Variants in CDH13 observed in about 807,000 individuals in gnomAD.
CDH13 encodes the protein cadherin-13.
In CDH13, 24 loss-of-function variants were observed where a neutral mutation model predicts 63.8. The ratio of observed to expected loss-of-function variants is 0.38; its 90% CI spans 0.27 to 0.53. The LOEUF (loss-of-function observed/expected upper bound fraction) is 0.53. Among genes scored for constraint, CDH13 ranks in the 20% least tolerant of loss-of-function variants. CDH13 has a pLI of 0.85. For missense variants in CDH13, 1,049 were observed against 903.1 expected (o/e 1.16, Z -2.07); for synonymous variants, 503 against 355.3 (o/e 1.42, Z -4.67).
chr16:83,734,850 C>T (rs374953777), intron 10 of CDH13, among the ~76,000 whole-genome samples: 7 of 151,808 alleles, frequency 4.6e-5, no homozygotes, highest in South Asian at 4.1e-4. Flanking sequence ...TCTGGCTCCT[C>T]ATTATCCAGA....
chr16:83,327,925 G>A (rs1218953868), intron 5 of CDH13, among the ~76,000 whole-genome samples: 3 of 152,198 alleles, frequency 2.0e-5, no homozygotes, highest in Non-Finnish European at 4.4e-5. Flanking sequence ...GAAGTCAGGA[G>A]ATCGAGACCA....
At chr16:82,743,245 G>C (rs116832018) in intron 1 of CDH13, among the ~76,000 whole-genome samples, 1,799 of 152,066 alleles carry the variant, frequency 0.012, 37 homozygotes, top group African/African-American at 0.041. Flanking sequence ...TTTTGTTTTT[G>C]AGACAGGGTC....
intron 2 of CDH13, among the ~76,000 whole-genome samples, chr16:82,929,462 T>C (rs1272093019): frequency 2.0e-5 from 3 of 151,474 alleles, no homozygotes; most frequent in African/African-American, 7.3e-5. Context: ...CTAGATGGTC[T>C]AGCCAGGTGA....
chr16:83,705,381 G>C (rs1276179609), intron 10 of CDH13, among the ~76,000 whole-genome samples: 1 of 152,192 alleles, frequency 6.6e-6, no homozygotes, highest in Non-Finnish European at 1.5e-5. Context: ...CTAGCACTTT[G>C]GGAGGCTGAG....
chr16:83,292,656 A>T (rs2089492669), intron 5 of CDH13, among the ~76,000 whole-genome samples: 2 of 152,154 alleles, frequency 1.3e-5, no homozygotes, highest in South Asian at 4.1e-4. Context: ...GGGTGATAAA[A>T]ATGATTACAA....
intron 2 of CDH13, among the ~76,000 whole-genome samples, chr16:82,866,586 A>C (rs2040154489): frequency 6.6e-6 from 1 of 151,274 alleles, no homozygotes; most frequent in African/African-American, 2.4e-5. Context: ...AAGAGGGTTT[A>C]ACCATGCTGG....
chr16:83,267,421 A>G (rs1040506388), intron 5 of CDH13, among the ~76,000 whole-genome samples: 3 of 152,192 alleles, frequency 2.0e-5, no homozygotes, highest in African/African-American at 7.2e-5. Context: ...TTATAGGAGA[A>G]AGAGAGAGCA....
intron 13 of CDH13, 54 bp downstream of exon 13, chr16:83,783,526 G>A (rs767460082): frequency 8.8e-6 from 12 of 1,364,598 alleles, no homozygotes; most frequent in Non-Finnish European, 1.0e-5. Context: ...AACTTCACTG[G>A]GTTCGTGAAG....
chr16:83,451,990 C>A (rs576501782), intron 6 of CDH13, among the ~76,000 whole-genome samples: 88 of 152,248 alleles, frequency 5.8e-4, no homozygotes, highest in African/African-American at 2.0e-3. Context: ...TTCCTGTGGA[C>A]CCATGAGTGT....
At chr16:82,851,891 C>A (rs1433822839) in intron 1 of CDH13, among the ~76,000 whole-genome samples, 1 of 152,124 alleles carries the variant, frequency 6.6e-6, no homozygotes. Flanking sequence ...AATCTAAGAC[C>A]CTCCAAATTG....
intron 2 of CDH13, among the ~76,000 whole-genome samples, chr16:82,998,652 G>A (rs1317990684): frequency 6.6e-6 from 1 of 152,090 alleles, no homozygotes; most frequent in Non-Finnish European, 1.5e-5. Context: ...CCTCTGCTAT[G>A]AATTAGCAGA....
intron 3 of CDH13, among the ~76,000 whole-genome samples, chr16:83,072,516 A>G (rs1314723620): frequency 6.6e-6 from 1 of 152,130 alleles, no homozygotes; most frequent in East Asian, 1.9e-4. Context: ...GCTGGGAAGA[A>G]TTTTCTGTCA....
intron 5 of CDH13, among the ~76,000 whole-genome samples, chr16:83,331,082 C>T (rs989694275): frequency 1.3e-5 from 2 of 152,134 alleles, no homozygotes; most frequent in Admixed American, 1.3e-4. Context: ...AATTGAGATT[C>T]TGAGAAGGTG....
intron 4 of CDH13, among the ~76,000 whole-genome samples, chr16:83,167,290 A>G (rs2037720428): frequency 6.6e-6 from 1 of 151,630 alleles, no homozygotes; most frequent in African/African-American, 2.4e-5. Context: ...TGAGGTCAGG[A>G]GTTTGAGACC....
chr16:82,798,902 T>C (rs1279215410), intron 1 of CDH13, among the ~76,000 whole-genome samples: 2 of 152,102 alleles, frequency 1.3e-5, no homozygotes, highest in Admixed American at 1.3e-4. Flanking sequence ...TGAGCACAGG[T>C]TTGATTCTCA....
Position 82,729,146 on chromosome 16 carries a change from GCTAGAATCAA to G in CDH13, c.45+102012_45+102021del, listed in dbSNP as rs913237434. ...AAAGCCCTGAAAGTCATCTATGAAG[GCTAGAATCAA>G]CTTCTTCCAAACTCCTTTTAATGTT... is the stretch of plus-strand genomic sequence containing the variant. On this transcript the variant is annotated intron_variant, in intron 1 of 13. Transcript: ENST00000567109. Among the ~76,000 whole-genome samples the G allele has an allele frequency of 1.1e-4, 16 of 152,084 alleles. 1 individual carries two copies. The highest frequency in any genetic ancestry group is 9.6e-4 in the East Asian group (5 of 5,194).
At chr16:83,129,335 G>A (rs903054052) in intron 4 of CDH13, among the ~76,000 whole-genome samples, 1 of 152,194 alleles carries the variant, frequency 6.6e-6, no homozygotes, top group Non-Finnish European at 1.5e-5. Flanking sequence ...AGCTCTAAAA[G>A]TATAAAGACG....
At chr16:83,673,156 C>T (rs1431441754) in intron 9 of CDH13, among the ~76,000 whole-genome samples, 4 of 152,154 alleles carry the variant, frequency 2.6e-5, no homozygotes, top group African/African-American at 4.8e-5. Context: ...ATTAACAATC[C>T]CTTAATTAAC....
chr16:83,285,680 C>T (rs1485272084), intron 5 of CDH13, among the ~76,000 whole-genome samples: 5 of 152,094 alleles, frequency 3.3e-5, no homozygotes, highest in Non-Finnish European at 7.3e-5. Flanking sequence ...TACTTTGCCG[C>T]TTTATATAAG....
Sources: gnomAD v4.1 joint callset for allele counts (sites outside exome capture counted in the v4.1 genomes callset) on GRCh38, gnomAD v4.1.1 for gene constraint, MANE v1.5 for transcripts, NCBI Gene and HGNC (gene_info 2026-07-23, HGNC 2026-07-21) for gene names.